Variants in UNC5D observed in about 807,000 individuals in gnomAD.
The protein encoded by UNC5D is netrin receptor UNC5D.
UNC5D carries 39 observed loss-of-function variants against 105.4 expected under a neutral mutation model. The ratio of observed to expected loss-of-function variants is 0.37; its 90% CI spans 0.29 to 0.48. UNC5D has a LOEUF of 0.48. Among genes scored for constraint, UNC5D ranks in the 20% least tolerant of loss-of-function variants. The probability of loss-of-function intolerance (pLI) is 0.98; values close to 1 mark genes in which losing one functional copy is unlikely to be tolerated. For missense variants in UNC5D, 991 were observed against 1,202.4 expected (o/e 0.82, Z 2.60); for synonymous variants, 452 against 450.4 (o/e 1.00, Z -0.04).
chr8:35,273,113 C>T (rs999798485), intron 1 of UNC5D, among the ~76,000 whole-genome samples: 2 of 152,172 alleles, frequency 1.3e-5, no homozygotes, highest in Non-Finnish European at 2.9e-5. Context: ...AGAATGAGTG[C>T]TTTTGTCTTA....
intron 16 of UNC5D, among the ~76,000 whole-genome samples, chr8:35,776,110 C>T (rs536831394): frequency 5.9e-5 from 9 of 152,116 alleles, no homozygotes; most frequent in East Asian, 5.8e-4. Context: ...AAATATAACA[C>T]GGTTAAAAAA....
chr8:35,267,026 C>T (rs985046026), intron 1 of UNC5D, among the ~76,000 whole-genome samples: 8 of 151,068 alleles, frequency 5.3e-5, no homozygotes, highest in South Asian at 4.2e-4. Flanking sequence ...GAACTCACCT[C>T]TAGTTGGAAA....
At chr8:35,582,483 A>G (rs79738154) in intron 3 of UNC5D, among the ~76,000 whole-genome samples, 257 of 152,276 alleles carry the variant, frequency 1.7e-3, no homozygotes, top group African/African-American at 5.7e-3. Context: ...AAGGAAAGCA[A>G]AATGCAGCCT....
intron 4 of UNC5D, among the ~76,000 whole-genome samples, chr8:35,674,016 G>A (rs1563654076): frequency 6.6e-6 from 1 of 152,146 alleles, no homozygotes; most frequent in East Asian, 1.9e-4. Context: ...GCTTGAGTAA[G>A]TTTTTGATGT....
chr8:35,434,130 AT>A (rs540829107), intron 1 of UNC5D, among the ~76,000 whole-genome samples: 2 of 152,112 alleles, frequency 1.3e-5, no homozygotes, highest in Non-Finnish European at 2.9e-5. Flanking sequence ...GAAAGTATGA[AT>A]TTTAAGCTTA....
chr8:35,480,644 G>T (rs1810426243), intron 1 of UNC5D, among the ~76,000 whole-genome samples: 1 of 152,204 alleles, frequency 6.6e-6, no homozygotes, highest in African/African-American at 2.4e-5. Context: ...TCTACAATAA[G>T]AATTTACAAA....
chr8:35,605,733 C>G, intron 4 of UNC5D, among the ~76,000 whole-genome samples: 1 of 152,156 alleles, frequency 6.6e-6, no homozygotes, highest in East Asian at 1.9e-4. Context: ...ATCACTAGTT[C>G]TACAACTAAA....
Position 35,726,404 on chromosome 8 carries a change from G to A in UNC5D, c.1556G>A (p.Ser519Asn). The part of the protein sequence containing the change: ...TFPHGNNHSF[S>N]TMHPRNKMPY... ...CCCCATGGAAACAACCACAGCTTTA[G>A]TACAATGCATCCCAGAAATAAAATG... Residue 519 changes from serine to asparagine, a missense_variant, in exon 10 of 17, where the codon AGT becomes AAT. Physicochemically the swap from Ser to Asn is conservative, Grantham distance 46. Transcript: ENST00000404895. The A allele has an allele frequency of 1.9e-6, 3 of 1,614,130 alleles. No homozygotes were observed. Among genetic ancestry groups the A allele is most frequent in the Non-Finnish European group, 2.5e-6 (3 of 1,180,024 alleles).
intron 4 of UNC5D, among the ~76,000 whole-genome samples, chr8:35,655,574 A>T (rs1823675115): frequency 6.6e-6 from 1 of 152,244 alleles, no homozygotes; most frequent in Admixed American, 6.5e-5. Flanking sequence ...AGATTCCCAA[A>T]GATAGATTTC....
chr8:35,715,103 A>G (rs1204443948), intron 8 of UNC5D, among the ~76,000 whole-genome samples: 4 of 152,238 alleles, frequency 2.6e-5, no homozygotes, highest in African/African-American at 9.6e-5. Context: ...GTGTGCCAAG[A>G]TTGTGCTATT....
At chr8:35,726,765 C>A in intron 10 of UNC5D, 1 of 605,892 alleles carries the variant, frequency 1.7e-6, no homozygotes, top group Non-Finnish European at 2.8e-6. Flanking sequence ...CCTGTTAGAG[C>A]TGATAACTAT....
intron 1 of UNC5D, among the ~76,000 whole-genome samples, chr8:35,486,979 C>T (rs528502953): frequency 6.6e-6 from 1 of 152,202 alleles, no homozygotes; most frequent in South Asian, 2.1e-4. Context: ...TCAGGCTAGA[C>T]AGTGACAGAA....
intron 4 of UNC5D, among the ~76,000 whole-genome samples, chr8:35,634,898 T>C (rs545506262): frequency 5.3e-5 from 8 of 152,140 alleles, no homozygotes; most frequent in South Asian, 2.1e-4. Context: ...CCTGAGTAGC[T>C]GGGATTACAG....
intron 1 of UNC5D, among the ~76,000 whole-genome samples, chr8:35,443,030 T>C (rs1807539822): frequency 1.3e-5 from 2 of 151,748 alleles, no homozygotes; most frequent in South Asian, 4.1e-4. Flanking sequence ...TCAGGTAGCT[T>C]CCTCTGGGTT....
At position 35,774,369 on chromosome 8, in the gene UNC5D, C is replaced by T; in HGVS notation, c.2549C>T (p.Ala850Val). ...TTCCCTGCACAGACTGGCCCCAAAG[C>T]CTTCAAAATTCCCTACTCCATCAGA... ...STFPAQTGPK[A>V]FKIPYSIRQR... Residue 850 changes from alanine to valine, a missense_variant, in exon 16 of 17, where the codon GCC becomes GTC. Ala to Val is a moderately conservative substitution (Grantham distance 64). This residue lies in a region of UNC5D where 944 missense variants were observed against 1,131.6 expected (regional missense o/e 0.83). Transcript: ENST00000404895. 22 of 1,614,112 alleles carry T rather than the reference C, an allele frequency of 1.4e-5. No individual in the cohort carries two copies. The highest frequency in any genetic ancestry group is 1.9e-5 in the Non-Finnish European group (22 of 1,179,994).
At chr8:35,752,283 A>C (rs1490360996) in intron 13 of UNC5D, among the ~76,000 whole-genome samples, 1 of 152,138 alleles carries the variant, frequency 6.6e-6, no homozygotes. Context: ...CTCCTGACAC[A>C]CCTCATTCCA....
At chr8:35,280,493 C>T (rs190845235) in intron 1 of UNC5D, among the ~76,000 whole-genome samples, 1 of 152,234 alleles carries the variant, frequency 6.6e-6, no homozygotes, top group East Asian at 1.9e-4. Flanking sequence ...TTGTGAGATT[C>T]TGTGTGGGTA....
chr8:35,728,095 A>AATAAAAATATATATATATATATATATAT (rs1828984569), intron 10 of UNC5D, among the ~76,000 whole-genome samples: 1 of 110,366 alleles, frequency 9.1e-6, no homozygotes, highest in Non-Finnish European at 1.6e-5. Flanking sequence ...AAAAAAAAAA[A>AATAAAAATATATATATATATATATATAT]ATATATATAT....
At chr8:35,567,971 T>C in intron 2 of UNC5D, 127 bp from the exon 3 acceptor site, 1 of 1,413,558 alleles carries the variant, frequency 7.1e-7, no homozygotes, top group Non-Finnish European at 9.6e-7. Context: ...GTCAAAGTAA[T>C]TAAAACCTTG....
Sources: allele counts gnomAD v4.1 joint callset (sites outside exome capture counted in the v4.1 genomes callset), GRCh38; gene constraint gnomAD v4.1.1; regional missense constraint gnomAD v4.1.1; transcripts MANE v1.5; gene names NCBI Gene and HGNC (gene_info 2026-07-23, HGNC 2026-07-21).